TRPC5: variants seen among roughly 807,000 people sequenced by gnomAD.
TRPC5 encodes short transient receptor potential channel 5.
A neutral mutation model predicts 56.5 loss-of-function variants in TRPC5; 9 were observed. The observed-to-expected ratio is 0.16, with a 90% confidence interval of 0.10 to 0.28. TRPC5 has a LOEUF of 0.28. TRPC5 is among the 10% of genes least tolerant of loss of function. The pLI is 1.00. For synonymous variants in TRPC5, 282 were observed against 278.5 expected, an observed-to-expected ratio of 1.01 and a Z score of -0.13; for missense variants, 469 against 748.9, an observed-to-expected ratio of 0.63 and a Z score of 4.36.
chrX:111,981,034 C>T (rs1252463816), intron 1 of TRPC5, among the ~76,000 whole-genome samples: 2 of 107,384 alleles, frequency 1.9e-5, no homozygotes, highest in South Asian at 4.1e-4. Flanking sequence ...TGTATATATC[C>T]GTATATGTAT....
chrX:112,041,775 C>T lies in TRPC5; in HGVS notation c.-22+40104G>A, dbSNP rs1054080629. Reference sequence around the variant, plus strand: ...TGCTGAAGTTTTGTTTGCCGATTTCCGGACCAGTGCCTTGAAAATGACAGA... The same window carrying T: ...TGCTGAAGTTTTGTTTGCCGATTTCTGGACCAGTGCCTTGAAAATGACAGA... On this transcript the variant is annotated intron_variant, in intron 1 of 10. Transcript: ENST00000262839. 1.3e-4 allele frequency among the ~76,000 whole-genome samples: 14 copies of T among 111,839 alleles called. No homozygotes were observed. The East Asian group carries it at 1.4e-3, about 11-fold the overall frequency.
intron 1 of TRPC5, among the ~76,000 whole-genome samples, chrX:111,962,520 G>A (rs1002496152): frequency 5.3e-5 from 6 of 112,308 alleles, no homozygotes; most frequent in Non-Finnish European, 1.1e-4. Flanking sequence ...CTGAATTGCT[G>A]CAATCTCATA....
chrX:111,982,696 C>T (rs965152210), intron 1 of TRPC5, among the ~76,000 whole-genome samples: 5 of 111,332 alleles, frequency 4.5e-5, no homozygotes, highest in African/African-American at 1.6e-4. Flanking sequence ...TCTTAATTTC[C>T]AAGTCAATGG....
intron 3 of TRPC5, among the ~76,000 whole-genome samples, chrX:111,906,452 C>G (rs770829528): frequency 3.1e-4 from 34 of 111,420 alleles, no homozygotes; most frequent in Non-Finnish European, 5.1e-4. Flanking sequence ...TCTGGAAATA[C>G]TGGTCATTCT....
chrX:111,995,542 C>G (rs978841532), intron 1 of TRPC5, among the ~76,000 whole-genome samples: 2 of 111,338 alleles, frequency 1.8e-5, no homozygotes, highest in Non-Finnish European at 3.8e-5. Flanking sequence ...AGGAATGGTA[C>G]CAGCTCCTCT....
chrX:111,798,288 T>C (rs1049410825), intron 7 of TRPC5, among the ~76,000 whole-genome samples: 1 of 112,086 alleles, frequency 8.9e-6, no homozygotes, highest in Non-Finnish European at 1.9e-5. Context: ...ACTATAATAA[T>C]TTTGTAGCCA....
intron 3 of TRPC5, among the ~76,000 whole-genome samples, chrX:111,879,344 C>T (rs1308752018): frequency 8.9e-6 from 1 of 111,923 alleles, no homozygotes; most frequent in Non-Finnish European, 1.9e-5. Flanking sequence ...ATGTATCATC[C>T]CAATGGGGCC....
At chrX:111,903,594 A>G (rs1925467601) in intron 3 of TRPC5, 1 of 112,348 alleles carries the variant, frequency 8.9e-6, no homozygotes, top group Admixed American at 9.4e-5. Context: ...GCTGATTGAA[A>G]TCCTGCATCT....
At chrX:111,813,513 T>C (rs1232884317) in intron 7 of TRPC5, among the ~76,000 whole-genome samples, 1 of 112,727 alleles carries the variant, frequency 8.9e-6, no homozygotes, top group African/African-American at 3.2e-5. Context: ...TCACAGTTAT[T>C]TTCCTTGCAA....
intron 3 of TRPC5, among the ~76,000 whole-genome samples, chrX:111,864,073 G>A (rs966631995): frequency 9.0e-6 from 1 of 110,796 alleles, no homozygotes; most frequent in Non-Finnish European, 1.9e-5. Context: ...TGCAAGCTCC[G>A]CCTCCCAGGT....
chrX:112,019,623 G>T (rs1270556898), intron 1 of TRPC5, among the ~76,000 whole-genome samples: 1 of 111,296 alleles, frequency 9.0e-6, no homozygotes, highest in Non-Finnish European at 1.9e-5. Context: ...ATTTAGTAGA[G>T]ATGGGATTTC....
rs1931004500 is a variant in TRPC5 at position 112,082,739 on chromosome X, C to A, written c.-882G>T. 9.8e-6 allele frequency: 1 copy of A among 102,141 alleles called. No individual in the cohort carries two copies. The highest frequency in any genetic ancestry group is 3.2e-4 in the East Asian group (1 of 3,112). 8.4% of individuals were successfully genotyped at this position (102,141 alleles called of 1,213,427 possible). On this transcript the variant is annotated 5_prime_UTR_variant, in exon 1 of 11. Coordinates refer to ENST00000262839, the MANE Select transcript of TRPC5 (RefSeq NM_012471.3). ...TTTATTCCTCCCTTTGGGGTGGCTGCGAGCTGCGGACAACCCGTCGTGGTT... is the reference window on the plus strand; with the variant it reads ...TTTATTCCTCCCTTTGGGGTGGCTGAGAGCTGCGGACAACCCGTCGTGGTT...
At chrX:111,972,574 C>G (rs1379348443) in intron 1 of TRPC5, among the ~76,000 whole-genome samples, 2 of 112,346 alleles carry the variant, frequency 1.8e-5, no homozygotes, top group African/African-American at 6.5e-5. Context: ...GGAATTTGCA[C>G]TGCGTGCTTG....
chrX:112,067,318 G>C (rs1025693883), intron 1 of TRPC5, among the ~76,000 whole-genome samples: 3 of 112,711 alleles, frequency 2.7e-5, no homozygotes, highest in African/African-American at 6.5e-5. Context: ...TGCCACCCCT[G>C]TGGGGCCTCT....
At chrX:111,911,728 A>T (rs752006636) in intron 3 of TRPC5, among the ~76,000 whole-genome samples, 1 of 111,757 alleles carries the variant, frequency 8.9e-6, no homozygotes, top group East Asian at 2.8e-4. Flanking sequence ...TGACCTACAA[A>T]CCTTGAGTAT....
rs1462698731 is a variant in TRPC5, at chrX:111,853,806, T to C, written c.1201A>G (p.Thr401Ala). ...TDLHVQGPPP[T>A]VVEWMILPWV... The stretch of plus-strand genomic sequence containing the variant: ...GGCAATATCATCCATTCCACGACAG[T>C]TGGGGGAGGCCCCTGTACATGAAGG... Residue 401 changes from threonine (T) to alanine (A), a missense_variant, in exon 4 of 11, where the codon ACT (threonine) becomes GCT (alanine). Coordinates refer to ENST00000262839, the MANE Select transcript of TRPC5 (RefSeq NM_012471.3). 1 of 1,211,907 alleles carries C rather than the reference T, an allele frequency of 8.3e-7. No individual in the cohort carries two copies. Among genetic ancestry groups the C allele is most frequent in the Admixed American group, 2.2e-5 (1 of 46,052 alleles).
chrX:112,059,281 T>G (rs1376266338), intron 1 of TRPC5, among the ~76,000 whole-genome samples: 1 of 111,863 alleles, frequency 8.9e-6, no homozygotes, highest in African/African-American at 3.2e-5. Context: ...TATTCAGCAT[T>G]AATGAAATGT....
At chrX:111,856,909 T>G (rs1008682772) in intron 3 of TRPC5, among the ~76,000 whole-genome samples, 15 of 109,190 alleles carry the variant, frequency 1.4e-4, no homozygotes, top group Middle Eastern at 4.9e-3. Context: ...TGTAAAGTAG[T>G]ATAATAAAGC....
chrX:111,828,514 T>C (rs1922305719), intron 7 of TRPC5, among the ~76,000 whole-genome samples: 1 of 111,903 alleles, frequency 8.9e-6, no homozygotes, highest in Non-Finnish European at 1.9e-5. Context: ...CTTTTCCTTA[T>C]AAATTACCCA....
Sources: gnomAD v4.1 joint callset for allele counts (sites outside exome capture counted in the v4.1 genomes callset) on GRCh38, gnomAD v4.1.1 for gene constraint, MANE v1.5 for transcripts, NCBI Gene and HGNC (gene_info 2026-07-23, HGNC 2026-07-21) for gene names.